The following VWA3B variants were observed in gnomAD, a reference collection of about 807,000 sequenced individuals.
VWA3B encodes the protein von Willebrand factor A domain containing 3B, also known as von Willebrand factor A domain-containing protein 3B.
Under a neutral mutation model 158.3 loss-of-function variants are expected in VWA3B, and 138 were observed. The ratio of observed to expected loss-of-function variants is 0.87; its 90% CI spans 0.76 to 1.00. The LOEUF is 1.00. Among genes scored for constraint, VWA3B ranks in the 50% least tolerant of loss-of-function variants. The pLI is 0.00. For synonymous variants in VWA3B, 596 were observed against 587.3 expected, an observed-to-expected ratio of 1.01 and a Z score of -0.21; for missense variants, 1,555 against 1,565.1, an observed-to-expected ratio of 0.99 and a Z score of 0.11.
intron 2 of VWA3B, among the ~76,000 whole-genome samples, chr2:98,107,047 AT>A (rs1458471900): frequency 6.6e-6 from 1 of 152,170 alleles, no homozygotes; most frequent in African/African-American, 2.4e-5. Flanking sequence ...GAGAATTTTT[AT>A]TATTAATGGG....
chr2:98,285,665 GAAA>G, intron 22 of VWA3B, among the ~76,000 whole-genome samples: 2 of 135,278 alleles, frequency 1.5e-5, no homozygotes, highest in East Asian at 4.3e-4. Context: ...AGTTTCAAAA[GAAA>G]AAAAAAAAAG....
intron 26 of VWA3B, among the ~76,000 whole-genome samples, chr2:98,307,301 C>T (rs1488787801): frequency 6.6e-6 from 1 of 152,246 alleles, no homozygotes; most frequent in Admixed American, 6.5e-5. Context: ...GACGTGTCCA[C>T]CCTGCTGCTA....
intron 11 of VWA3B, among the ~76,000 whole-genome samples, chr2:98,193,863 C>T (rs1156682422): frequency 6.6e-6 from 1 of 152,134 alleles, no homozygotes; most frequent in Non-Finnish European, 1.5e-5. Context: ...GCTGGGACTA[C>T]AGGCGTGAGC....
At chr2:98,094,679 A>T (rs151181156) in intron 2 of VWA3B, among the ~76,000 whole-genome samples, 4 of 152,164 alleles carry the variant, frequency 2.6e-5, no homozygotes, top group African/African-American at 7.2e-5. Flanking sequence ...TTTTGAGGTC[A>T]TATCCAAAAA....
At chr2:98,107,068 T>A (rs1161273270) in intron 2 of VWA3B, among the ~76,000 whole-genome samples, 1 of 152,196 alleles carries the variant, frequency 6.6e-6, no homozygotes, top group Non-Finnish European at 1.5e-5. Flanking sequence ...GTGCTGAATT[T>A]TGTCAATTTT....
At chr2:98,140,094 G>C (rs989264225) in intron 7 of VWA3B, among the ~76,000 whole-genome samples, 5 of 152,032 alleles carry the variant, frequency 3.3e-5, no homozygotes, top group Admixed American at 3.3e-4. Flanking sequence ...GCGAGACCAC[G>C]AACCCACCAG....
rs750568001 is a variant in VWA3B, at chr2:98,303,751, C to A, written c.3470C>A (p.Ala1157Glu). ...ALIKISQNKY[A>E]LSCSHIKSPP... ...ATTAAGATCAGCCAAAACAAGTATG[C>A]GCTCTCTTGCTCTCATATAAAGTCA... Residue 1157 changes from alanine to glutamate, a missense_variant, in exon 26 of 28, where the codon GCG becomes GAG. Coordinates refer to ENST00000477737, the MANE Select transcript of VWA3B (RefSeq NM_144992.5). The A allele has an allele frequency of 6.2e-6, 10 of 1,614,082 alleles. No individual in the cohort carries two copies. The highest frequency in any genetic ancestry group is 1.6e-4 in the Middle Eastern group (1 of 6,062).
intron 13 of VWA3B, among the ~76,000 whole-genome samples, chr2:98,216,040 C>T (rs746044217): frequency 3.9e-5 from 6 of 152,080 alleles, no homozygotes; most frequent in Non-Finnish European, 7.4e-5. Flanking sequence ...GTGTAAGGCC[C>T]GTGTTATTAT....
At chr2:98,320,984 T>C in the VWA3B span, among the ~76,000 whole-genome samples, 3 of 151,670 alleles carry the variant, frequency 2.0e-5, no homozygotes, top group Non-Finnish European at 4.4e-5. Context: ...ACGGAAAAAA[T>C]GGTTTTGTGG....
intron 2 of VWA3B, among the ~76,000 whole-genome samples, chr2:98,096,568 CA>C (rs1573745870): frequency 6.6e-6 from 1 of 152,186 alleles, no homozygotes; most frequent in Non-Finnish European, 1.5e-5. Flanking sequence ...CATGCCCAGC[CA>C]GGAGATTTTT....
chr2:98,165,009 T>C (rs1374351862), intron 8 of VWA3B, among the ~76,000 whole-genome samples: 3 of 152,208 alleles, frequency 2.0e-5, no homozygotes, highest in African/African-American at 7.2e-5. Flanking sequence ...GAGGAACCAC[T>C]GTACAGACAA....
At position 98,311,821 on chromosome 2, in the gene VWA3B, A is replaced by G. The variant is rs753967446; in HGVS notation, c.3524A>G (p.Glu1175Gly). ...CCCTGATCTCTCTCTGTCTCTAGAGAGGATGTGGAGGCGAGGAACTCTGCT... is the reference window on the plus strand; with the variant it reads ...CCCTGATCTCTCTCTGTCTCTAGAGGGGATGTGGAGGCGAGGAACTCTGCT... ...SPPIPEDPEV[E>G]DVEARNSAFL... Residue 1175 changes from glutamate to glycine, a missense_variant and splice_region_variant, in exon 27 of 28, where the codon GAG becomes GGG. Transcript: ENST00000477737. 6.2e-6 allele frequency: 10 copies of G among 1,601,452 alleles called. No homozygotes were observed. The highest frequency in any genetic ancestry group is 3.3e-4 in the Middle Eastern group (2 of 6,016).
At position 98,189,517 on chromosome 2, in the gene VWA3B, T is replaced by C. The variant is rs535115967; in HGVS notation, c.1466+1388T>C. Among the ~76,000 whole-genome samples, 5 of 152,362 alleles carry C rather than the reference T, an allele frequency of 3.3e-5. 1 individual carries two copies. The South Asian group carries it at 8.3e-4, about 25-fold the overall frequency. ...CTTATAATTTTATTGGGACCTGTTT[T>C]GTAGTACAGATTTTGGAAAAAAAAA... On this transcript the variant is annotated intron_variant, in intron 10 of 27. Transcript: ENST00000477737.
chr2:98,285,239 G>C (rs915786446), intron 22 of VWA3B, among the ~76,000 whole-genome samples: 9 of 152,116 alleles, frequency 5.9e-5, no homozygotes, highest in African/African-American at 2.2e-4. Context: ...TAATCAATTT[G>C]TCTCTATATA....
At chr2:98,192,215 C>T (rs1223769815) in intron 10 of VWA3B, 1 of 152,320 alleles carries the variant, frequency 6.6e-6, no homozygotes, top group East Asian at 1.9e-4. Flanking sequence ...TTATTTTTGA[C>T]TTTGGCACCT....
chr2:98,175,750 A>G (rs1679960658), intron 8 of VWA3B, among the ~76,000 whole-genome samples: 1 of 152,190 alleles, frequency 6.6e-6, no homozygotes, highest in East Asian at 1.9e-4. Context: ...AAAGACACCC[A>G]CACCTAGACA....
chr2:98,242,208 T>C (rs1331228082), intron 19 of VWA3B: 2 of 456,108 alleles, frequency 4.4e-6, no homozygotes, highest in Admixed American at 2.4e-5. Flanking sequence ...TCATCACTTA[T>C]GTATGGGCTC....
intron 21 of VWA3B, among the ~76,000 whole-genome samples, chr2:98,258,540 A>G (rs1376811628): frequency 3.3e-5 from 5 of 151,836 alleles, no homozygotes; most frequent in East Asian, 1.9e-4. Context: ...GCAATGTTAT[A>G]TAGTTTTCAG....
intron 7 of VWA3B, among the ~76,000 whole-genome samples, chr2:98,161,002 G>A (rs796921868): frequency 2.4e-4 from 37 of 152,286 alleles, no homozygotes; most frequent in African/African-American, 7.9e-4. Context: ...ATCAACTCTG[G>A]TCTGCCCTAG....
Sources: gnomAD v4.1 joint callset for allele counts (sites outside exome capture counted in the v4.1 genomes callset) on GRCh38, gnomAD v4.1.1 for gene constraint, MANE v1.5 for transcripts, NCBI Gene and HGNC (gene_info 2026-07-23, HGNC 2026-07-21) for gene names.